The following KALRN variants were observed in gnomAD, a reference collection of about 807,000 sequenced individuals.
KALRN encodes kalirin RhoGEF kinase.
Under a neutral mutation model 353.7 loss-of-function variants are expected in KALRN, and 70 were observed. The observed-to-expected ratio is 0.20, with a 90% CI of 0.16 to 0.24. The LOEUF (loss-of-function observed/expected upper bound fraction) is 0.24, where lower values mean the gene tolerates loss of function less well. KALRN is among the 10% of genes least tolerant of loss of function. The probability of loss-of-function intolerance (pLI) is 1.00; values close to 1 mark genes in which losing one functional copy is unlikely to be tolerated. For synonymous variants in KALRN, 1,391 were observed against 1,434.8 expected (o/e 0.97, Z 0.69); for missense variants, 2,791 against 3,756.7 (o/e 0.74, Z 6.72).
intron 15 of KALRN, among the ~76,000 whole-genome samples, chr3:124,425,942 G>A (rs1407036403): frequency 6.6e-6 from 1 of 152,152 alleles, no homozygotes; most frequent in Non-Finnish European, 1.5e-5. Flanking sequence ...GAATTCTTTT[G>A]TGGGGGTGGG....
chr3:124,188,274 AG>A (rs1273132455), intron 1 of KALRN, among the ~76,000 whole-genome samples: 1 of 152,218 alleles, frequency 6.6e-6, no homozygotes, highest in African/African-American at 2.4e-5. Flanking sequence ...ATGTTTTAAA[AG>A]GTCCTCAGAT....
Position 124,456,647 on chromosome 3 carries a change from G to T in KALRN, c.3773G>T (p.Ser1258Ile). ...CTGGAGCTGGATATTATCCCAGCAA[G>T]CCTTTCGGATCGGGAGGTCAAGCTG... is the stretch of plus-strand genomic sequence containing the variant. ...KDLELDIIPASLSDREVKLRD... is the reference protein window; with the variant it reads ...KDLELDIIPAILSDREVKLRD... Residue 1258 changes from serine (S) to isoleucine (I), a missense_variant, in exon 23 of 60, where the codon AGC (serine) becomes ATC (isoleucine). Transcript: ENST00000682506. 1 of 1,613,308 alleles carries T rather than the reference G, an allele frequency of 6.2e-7. No homozygotes were observed. The highest frequency in any genetic ancestry group is 1.1e-5 in the South Asian group (1 of 91,034).
chr3:124,222,774 G>A (rs1393224231), intron 1 of KALRN, among the ~76,000 whole-genome samples: 1 of 151,954 alleles, frequency 6.6e-6, no homozygotes, highest in African/African-American at 2.4e-5. Context: ...GCTAATTTTT[G>A]TTGTATTTTT....
At chr3:124,640,317 C>T in intron 37 of KALRN, among the ~76,000 whole-genome samples, 1 of 140,464 alleles carries the variant, frequency 7.1e-6, no homozygotes, top group Admixed American at 7.6e-5. Flanking sequence ...GACAGAGTCT[C>T]ACTCTGTCGC....
At chr3:124,287,987 C>A (rs963632876) in intron 5 of KALRN, among the ~76,000 whole-genome samples, 1 of 151,652 alleles carries the variant, frequency 6.6e-6, no homozygotes, top group Non-Finnish European at 1.5e-5. Flanking sequence ...GATTCTCCTG[C>A]CTTAGCCTCC....
chr3:124,210,322 G>T (rs571156951), intron 1 of KALRN, among the ~76,000 whole-genome samples: 2 of 152,270 alleles, frequency 1.3e-5, no homozygotes, highest in Non-Finnish European at 2.9e-5. Flanking sequence ...AAATCAGGAT[G>T]CATCTTATAG....
At chr3:124,230,203 C>T (rs971051987) in intron 2 of KALRN, among the ~76,000 whole-genome samples, 1 of 152,144 alleles carries the variant, frequency 6.6e-6, no homozygotes, top group African/African-American at 2.4e-5. Flanking sequence ...CCTTAGTTAA[C>T]CTGATGTTCT....
At chr3:124,710,153 C>T (rs2062820367) in intron 57 of KALRN, among the ~76,000 whole-genome samples, 1 of 152,212 alleles carries the variant, frequency 6.6e-6, no homozygotes, top group Admixed American at 6.5e-5. Flanking sequence ...ATTTCCCATG[C>T]ACTCTTTGTC....
chr3:124,620,302 G>A (rs1406637937), intron 34 of KALRN, among the ~76,000 whole-genome samples: 4 of 151,994 alleles, frequency 2.6e-5, no homozygotes, highest in African/African-American at 4.8e-5. Flanking sequence ...ATGAGGTCTC[G>A]CTATGTTGCT....
At chr3:124,239,548 G>C (rs1481280933) in intron 3 of KALRN, among the ~76,000 whole-genome samples, 1 of 152,220 alleles carries the variant, frequency 6.6e-6, no homozygotes, top group Non-Finnish European at 1.5e-5. Context: ...ATTAGGATGA[G>C]TTATTCTGTA....
chr3:124,039,481 A>T (rs1003087943), intron 1 of KALRN, among the ~76,000 whole-genome samples: 1 of 152,254 alleles, frequency 6.6e-6, no homozygotes, highest in Non-Finnish European at 1.5e-5. Flanking sequence ...CCCTCACAAT[A>T]TAAATCAAAC....
At chr3:124,049,126 A>AC (rs1348945705) in intron 1 of KALRN, among the ~76,000 whole-genome samples, 1 of 152,188 alleles carries the variant, frequency 6.6e-6, no homozygotes, top group Non-Finnish European at 1.5e-5. Context: ...GCCATTCTTG[A>AC]CCTGTTTTTC....
chr3:124,298,314 T>C (rs759661351), intron 5 of KALRN, among the ~76,000 whole-genome samples: 10 of 152,220 alleles, frequency 6.6e-5, no homozygotes, highest in Non-Finnish European at 1.5e-4. Flanking sequence ...TGAGAAAAGC[T>C]GATTCACTTC....
intron 1 of KALRN, among the ~76,000 whole-genome samples, chr3:124,132,472 A>G (rs1458694519): frequency 6.6e-6 from 1 of 152,200 alleles, no homozygotes; most frequent in Admixed American, 6.5e-5. Flanking sequence ...CGCACAACAC[A>G]TACTCCTGGA....
At chr3:124,541,090 T>G (rs1372166120) in intron 33 of KALRN, among the ~76,000 whole-genome samples, 1 of 152,232 alleles carries the variant, frequency 6.6e-6, no homozygotes, top group Non-Finnish European at 1.5e-5. Context: ...GCGACAGAAC[T>G]GTTTTTGTTA....
chr3:124,234,958 A>G lies in KALRN; in HGVS notation c.263+15A>G. 1 of 1,572,208 alleles carries G rather than the reference A, an allele frequency of 6.4e-7. No homozygotes were observed. Among genetic ancestry groups the G allele is most frequent in the South Asian group, 1.2e-5 (1 of 86,612 alleles). On this transcript the variant is annotated intron_variant, in intron 3 of 59. Coordinates refer to ENST00000682506, the MANE Select transcript of KALRN (RefSeq NM_001388419.1). ...AGCGTGCCAAGGTAAGGGGAAGGGG[A>G]ATGGCCTGCAGGGGAGCGGGAGGGG...
chr3:124,680,678 C>T (rs919125685), intron 51 of KALRN, among the ~76,000 whole-genome samples: 4 of 152,270 alleles, frequency 2.6e-5, no homozygotes, highest in Admixed American at 2.0e-4. Context: ...GCCTAAGAGC[C>T]GGTAAGTCAG....
chr3:124,286,442 A>G (rs190112387), intron 5 of KALRN, among the ~76,000 whole-genome samples: 179 of 152,088 alleles, frequency 1.2e-3, no homozygotes, highest in African/African-American at 4.1e-3. Context: ...TAGTAGAGAC[A>G]GGGTTTTGCT....
intron 5 of KALRN, 57 bp from the exon 6 acceptor site, chr3:124,298,734 T>A: frequency 6.2e-7 from 1 of 1,604,088 alleles, no homozygotes. Context: ...TCTGAAAGTT[T>A]TGCCCTATTC....
Sources: allele counts gnomAD v4.1 joint callset (sites outside exome capture counted in the v4.1 genomes callset), GRCh38; gene constraint gnomAD v4.1.1; transcripts MANE v1.5; gene names NCBI Gene and HGNC (gene_info 2026-07-23, HGNC 2026-07-21).